CLINT1: variants seen among roughly 807,000 people sequenced by gnomAD.
CLINT1 encodes clathrin interactor 1.
A neutral mutation model predicts 70.4 loss-of-function variants in CLINT1; 15 were observed. The observed-to-expected ratio is 0.21, with a 90% CI of 0.14 to 0.33. CLINT1 has a LOEUF of 0.33. CLINT1 is among the 10% of genes least tolerant of loss of function. The pLI is 1.00. For missense variants in CLINT1, 615 were observed against 778.1 expected (o/e 0.79, Z 2.49); for synonymous variants, 227 against 254.7 (o/e 0.89, Z 1.04).
At chr5:157,810,107 C>G (rs562174276) in intron 5 of CLINT1, among the ~76,000 whole-genome samples, 1 of 152,248 alleles carries the variant, frequency 6.6e-6, no homozygotes, top group East Asian at 1.9e-4. Context: ...AACACAAAAC[C>G]AACACAAGCT....
At chr5:157,848,549 G>A (rs1345896792) in intron 1 of CLINT1, among the ~76,000 whole-genome samples, 1 of 151,602 alleles carries the variant, frequency 6.6e-6, no homozygotes, top group Non-Finnish European at 1.5e-5. Context: ...TGTCCCCCAG[G>A]CTGGAGTACA....
At chr5:157,817,682 T>C (rs1762764377) in intron 1 of CLINT1, 135 bp from the exon 2 acceptor site, 1 of 583,910 alleles carries the variant, frequency 1.7e-6, no homozygotes, top group South Asian at 2.2e-5. Flanking sequence ...AAACATCTTT[T>C]GTGCACAAGC....
chr5:157,787,505 A>C lies in CLINT1; in HGVS notation c.*141T>G, dbSNP rs1761761371. On this transcript the variant is annotated 3_prime_UTR_variant, in exon 12 of 12. Transcript: ENST00000411809. The stretch of plus-strand genomic sequence containing the variant: ...AAATACTGGATATTTCACTTTTATA[A>C]AACAGCCTTTTTGGTTCTTTATGTA... 1 of 762,504 alleles carries C rather than the reference A, an allele frequency of 1.3e-6. No homozygotes were observed. The highest frequency in any genetic ancestry group is 1.8e-5 in the African/African-American group (1 of 56,904). The allele number at this position is 762,504 out of a possible 1,614,324, so 47.2% of individuals were successfully genotyped here.
intron 1 of CLINT1, among the ~76,000 whole-genome samples, chr5:157,855,278 T>C (rs942930833): frequency 1.3e-5 from 2 of 151,956 alleles, no homozygotes; most frequent in Non-Finnish European, 2.9e-5. Flanking sequence ...CACTACCATG[T>C]CACCTTCATT....
At chr5:157,830,132 G>A (rs527342975) in intron 1 of CLINT1, among the ~76,000 whole-genome samples, 11 of 149,388 alleles carry the variant, frequency 7.4e-5, no homozygotes, top group Non-Finnish European at 1.2e-4. Flanking sequence ...ATTTTTTGTA[G>A]AGATGGGGTT....
intron 8 of CLINT1, among the ~76,000 whole-genome samples, chr5:157,797,542 C>T (rs182572144): frequency 1.4e-4 from 21 of 152,178 alleles, no homozygotes; most frequent in Non-Finnish European, 2.5e-4. Context: ...TCTGCCACCA[C>T]GCCCAACTAA....
chr5:157,822,669 T>C (rs923017070), intron 1 of CLINT1, among the ~76,000 whole-genome samples: 1 of 152,218 alleles, frequency 6.6e-6, no homozygotes, highest in African/African-American at 2.4e-5. Context: ...ATTTGACTAC[T>C]TGACATTCAG....
intron 1 of CLINT1, among the ~76,000 whole-genome samples, chr5:157,826,793 CA>C (rs1472708519): frequency 2.6e-5 from 4 of 152,114 alleles, no homozygotes; most frequent in African/African-American, 9.7e-5. Context: ...TTAATCTGAG[CA>C]ATTTGATGAG....
chr5:157,832,150 T>A (rs531928832), intron 1 of CLINT1, among the ~76,000 whole-genome samples: 32 of 152,024 alleles, frequency 2.1e-4, no homozygotes, highest in Non-Finnish European at 3.5e-4. Flanking sequence ...GCCACGCGAA[T>A]TTTTGTATTT....
chr5:157,830,167 C>T (rs1237740797), intron 1 of CLINT1, among the ~76,000 whole-genome samples: 1 of 152,004 alleles, frequency 6.6e-6, no homozygotes, highest in Non-Finnish European at 1.5e-5. Flanking sequence ...AGGCTGGTCT[C>T]GAACTCCTGG....
intron 11 of CLINT1, among the ~76,000 whole-genome samples, chr5:157,788,264 T>C (rs893795838): frequency 2.6e-5 from 4 of 152,202 alleles, no homozygotes; most frequent in East Asian, 1.9e-4. Flanking sequence ...ACAAAACCTA[T>C]TGTTAAATCC....
At chr5:157,813,257 C>T in intron 4 of CLINT1, 30 bp from the exon 5 acceptor site, 1 of 1,578,082 alleles carries the variant, frequency 6.3e-7, no homozygotes, top group Non-Finnish European at 8.6e-7. Flanking sequence ...TAAGCAAAAC[C>T]TAAGAATTCA....
intron 6 of CLINT1, among the ~76,000 whole-genome samples, chr5:157,806,509 T>C (rs957904029): frequency 4.6e-5 from 7 of 152,324 alleles, no homozygotes; most frequent in Middle Eastern, 3.4e-3. Context: ...TTTCTTGACA[T>C]GGACTGTGTG....
At chr5:157,824,380 AT>A (rs1390513527) in intron 1 of CLINT1, among the ~76,000 whole-genome samples, 2 of 152,196 alleles carry the variant, frequency 1.3e-5, no homozygotes, top group East Asian at 3.8e-4. Flanking sequence ...CTATTCCTAA[AT>A]TCAACAGGTA....
At chr5:157,836,226 G>A (rs935971410) in intron 1 of CLINT1, among the ~76,000 whole-genome samples, 6 of 152,184 alleles carry the variant, frequency 3.9e-5, no homozygotes, top group Non-Finnish European at 5.9e-5. Context: ...CCTAAGCCAC[G>A]GACAATTCAT....
chr5:157,827,691 G>A (rs1251017699), intron 1 of CLINT1, among the ~76,000 whole-genome samples: 1 of 152,168 alleles, frequency 6.6e-6, no homozygotes, highest in African/African-American at 2.4e-5. Context: ...GTGGGAGGAA[G>A]AAACTATGAA....
At chr5:157,798,099 C>T (rs1006971592) in intron 8 of CLINT1, among the ~76,000 whole-genome samples, 3 of 152,124 alleles carry the variant, frequency 2.0e-5, no homozygotes, top group African/African-American at 7.2e-5. Flanking sequence ...AAAACTGTCT[C>T]AAAAATTAAA....
intron 6 of CLINT1, among the ~76,000 whole-genome samples, chr5:157,806,963 G>GAGA (rs1561645746): frequency 1.4e-5 from 2 of 145,856 alleles, no homozygotes; most frequent in Non-Finnish European, 3.1e-5. Context: ...GATGTAAGTA[G>GAGA]GAGAGAGAGA....
chr5:157,797,640 C>G (rs892152968), intron 8 of CLINT1, among the ~76,000 whole-genome samples: 9 of 152,142 alleles, frequency 5.9e-5, no homozygotes, highest in African/African-American at 2.2e-4. Flanking sequence ...CCTGCCTCAG[C>G]CTCCCAAAGT....
Sources: gnomAD v4.1 joint callset for allele counts (sites outside exome capture counted in the v4.1 genomes callset) on GRCh38, gnomAD v4.1.1 for gene constraint, MANE v1.5 for transcripts, NCBI Gene and HGNC (gene_info 2026-07-23, HGNC 2026-07-21) for gene names.